The following CCDC7 variants were observed in gnomAD, a reference collection of about 807,000 sequenced individuals.
CCDC7 encodes the protein coiled-coil domain-containing protein 7.
Under a neutral mutation model 196.9 loss-of-function variants are expected in CCDC7, and 183 were observed. The observed-to-expected ratio is 0.93, with a 90% CI of 0.82 to 1.05. CCDC7 has a LOEUF of 1.05. Ranked by LOEUF, CCDC7 falls within the 50% of genes least tolerant of loss-of-function variation. The probability of loss-of-function intolerance (pLI) is 0.00; values close to 1 mark genes in which losing one functional copy is unlikely to be tolerated. For missense variants in CCDC7, 1,540 were observed against 1,482.2 expected (o/e 1.04, Z -0.64); for synonymous variants, 525 against 484.6 (o/e 1.08, Z -1.10).
At chr10:32,750,097 A>G (rs1431690225) in intron 28 of CCDC7, among the ~76,000 whole-genome samples, 3 of 152,218 alleles carry the variant, frequency 2.0e-5, no homozygotes, top group African/African-American at 7.2e-5. Context: ...CCATTTCAGT[A>G]TGTAATTATA....
chr10:32,488,068 G>C (rs115966164), intron 8 of CCDC7, among the ~76,000 whole-genome samples: 1,604 of 152,336 alleles, frequency 0.011, 25 homozygotes, highest in African/African-American at 0.037. Context: ...GTTTGGCAAT[G>C]GCCTGCCCTC....
intron 11 of CCDC7, among the ~76,000 whole-genome samples, chr10:32,528,646 G>A (rs1297574105): frequency 1.0e-5 from 1 of 95,746 alleles, no homozygotes; most frequent in Non-Finnish European, 2.6e-5. Context: ...GTGTGTGTGT[G>A]TGTGTATATA....
At chr10:32,825,483 C>T (rs1388744687) in intron 32 of CCDC7, among the ~76,000 whole-genome samples, 1 of 152,102 alleles carries the variant, frequency 6.6e-6, no homozygotes, top group Non-Finnish European at 1.5e-5. Context: ...TTCCTGCCCT[C>T]GTGTGAGTTA....
chr10:32,776,180 T>A (rs2080012713), intron 28 of CCDC7, among the ~76,000 whole-genome samples: 1 of 149,322 alleles, frequency 6.7e-6, no homozygotes, highest in Admixed American at 6.7e-5. Flanking sequence ...TACCTAATGC[T>A]AGATGACGAG....
chr10:32,860,592 C>T (rs1019041878), intron 41 of CCDC7, among the ~76,000 whole-genome samples: 13 of 151,958 alleles, frequency 8.6e-5, no homozygotes, highest in Non-Finnish European at 5.9e-5. Context: ...AGAAATAAAG[C>T]GTATTCACTT....
intron 8 of CCDC7, among the ~76,000 whole-genome samples, chr10:32,486,095 G>T (rs561374945): frequency 6.6e-6 from 1 of 152,262 alleles, no homozygotes; most frequent in East Asian, 1.9e-4. Context: ...TTGACAGTGG[G>T]TTGTTAAAGT....
intron 33 of CCDC7, among the ~76,000 whole-genome samples, chr10:32,838,798 C>T (rs2092788870): frequency 6.6e-6 from 1 of 151,984 alleles, no homozygotes. Context: ...AGCAGAAGCC[C>T]TACATGTTAG....
chr10:32,758,189 C>T (rs2076799612), intron 28 of CCDC7, among the ~76,000 whole-genome samples: 1 of 152,114 alleles, frequency 6.6e-6, no homozygotes, highest in African/African-American at 2.4e-5. Flanking sequence ...GGGCTGGGAC[C>T]ATTCCTTCTG....
At chr10:32,778,770 G>A (rs2080536772) in intron 28 of CCDC7, among the ~76,000 whole-genome samples, 1 of 152,198 alleles carries the variant, frequency 6.6e-6, no homozygotes, top group Non-Finnish European at 1.5e-5. Context: ...GCTTTGGGCA[G>A]TATGGCCATT....
chr10:32,626,574 A>T (rs1176605193), intron 18 of CCDC7, among the ~76,000 whole-genome samples: 2 of 151,880 alleles, frequency 1.3e-5, no homozygotes, highest in Admixed American at 6.6e-5. Flanking sequence ...TTATGTAATC[A>T]CACTTGTCTA....
intron 8 of CCDC7, among the ~76,000 whole-genome samples, chr10:32,488,781 A>T (rs922235397): frequency 1.3e-5 from 2 of 152,270 alleles, no homozygotes; most frequent in Admixed American, 1.3e-4. Flanking sequence ...TAAAACTATT[A>T]TTTGAATATT....
chr10:32,510,851 G>C (rs550257731), intron 9 of CCDC7, among the ~76,000 whole-genome samples: 3 of 152,036 alleles, frequency 2.0e-5, no homozygotes, highest in Non-Finnish European at 4.4e-5. Context: ...ACATGATAAA[G>C]TATCTATACA....
At chr10:32,835,880 A>G (rs2092561677) in intron 33 of CCDC7, among the ~76,000 whole-genome samples, 1 of 152,136 alleles carries the variant, frequency 6.6e-6, no homozygotes. Context: ...ATCATTTTAT[A>G]TTTCTGGCTT....
At chr10:32,523,969 C>A (rs927156031) in intron 11 of CCDC7, among the ~76,000 whole-genome samples, 4 of 151,286 alleles carry the variant, frequency 2.6e-5, no homozygotes, top group Non-Finnish European at 5.9e-5. Flanking sequence ...AAAGTTTAGT[C>A]CATTTACATT....
chr10:32,835,828 TTAAAA>T lies in CCDC7; in HGVS notation c.3352+936_3352+940del, dbSNP rs2092558338. ...ACAAACTTACACTTGTACCCCGAAC[TTAAAA>T]TAAAAGTTGAAAAAAATGAAAACAA... is the stretch of plus-strand genomic sequence containing the variant. On this transcript the variant is annotated intron_variant, in intron 33 of 41. Coordinates refer to ENST00000639629, the Ensembl canonical transcript of CCDC7. Among the ~76,000 whole-genome samples, 3 of 152,128 alleles carry T rather than the reference TTAAAA, an allele frequency of 2.0e-5. No homozygotes were observed. In the South Asian group the frequency reaches 6.2e-4, roughly 32 times the overall value.
chr10:32,654,537 T>C (rs1047819125), intron 20 of CCDC7, among the ~76,000 whole-genome samples: 4 of 152,222 alleles, frequency 2.6e-5, no homozygotes, highest in African/African-American at 9.6e-5. Context: ...TTATATATTT[T>C]GTTGTTTGTA....
At chr10:32,469,673 C>G (rs2133873149) in intron 5 of CCDC7, among the ~76,000 whole-genome samples, 1 of 152,302 alleles carries the variant, frequency 6.6e-6, no homozygotes, top group South Asian at 2.1e-4. Flanking sequence ...GGGGAAGCTG[C>G]CCATAGGAAT....
intron 9 of CCDC7, among the ~76,000 whole-genome samples, chr10:32,503,051 C>A (rs1227102966): frequency 6.6e-6 from 1 of 151,986 alleles, no homozygotes; most frequent in Admixed American, 6.6e-5. Flanking sequence ...TTTTTGGGGA[C>A]ATCTTTAGAG....
intron 29 of CCDC7, among the ~76,000 whole-genome samples, chr10:32,804,685 G>A (rs1005361743): frequency 6.6e-6 from 1 of 152,086 alleles, no homozygotes; most frequent in Non-Finnish European, 1.5e-5. Context: ...AAATTCTGTA[G>A]GATATTTTAA....
Sources: allele counts gnomAD v4.1 joint callset (sites outside exome capture counted in the v4.1 genomes callset), GRCh38; gene constraint gnomAD v4.1.1; transcripts MANE v1.5; gene names NCBI Gene and HGNC (gene_info 2026-07-23, HGNC 2026-07-21).